GABRB1: variants seen among roughly 807,000 people sequenced by gnomAD.
GABRB1 encodes gamma-aminobutyric acid receptor subunit beta-1.
GABRB1 carries 17 observed loss-of-function variants against 51.6 expected under a neutral mutation model. The ratio of observed to expected loss-of-function variants is 0.33; its 90% confidence interval spans 0.23 to 0.49. The LOEUF is 0.49. GABRB1 is among the 20% of genes least tolerant of loss of function. The probability of loss-of-function intolerance (pLI) is 0.99; values close to 1 mark genes in which losing one functional copy is unlikely to be tolerated. For missense variants in GABRB1, 410 were observed against 600.6 expected (o/e 0.68, Z 3.32); for synonymous variants, 247 against 218.9 (o/e 1.13, Z -1.14).
At chr4:47,110,122 A>G (rs985741149) in intron 3 of GABRB1, among the ~76,000 whole-genome samples, 3 of 152,164 alleles carry the variant, frequency 2.0e-5, no homozygotes, top group African/African-American at 7.2e-5. Flanking sequence ...GCTTGAAGTT[A>G]GCAGTTCTGG....
At chr4:47,049,345 A>T (rs1726242508) in intron 3 of GABRB1, among the ~76,000 whole-genome samples, 1 of 152,174 alleles carries the variant, frequency 6.6e-6, no homozygotes, top group East Asian at 1.9e-4. Flanking sequence ...GTACGTCAAC[A>T]ACAGAAGGGG....
rs570283508 is a variant in GABRB1, at chr4:47,376,274, A to G, written c.545-27044A>G. 4.6e-5 allele frequency among the ~76,000 whole-genome samples: 7 copies of G among 152,342 alleles called. No homozygotes were observed. The South Asian group carries it at 1.0e-3, about 23-fold the overall frequency. ...AGGAGGTGAGCCTTTCTGAGAGAAT[A>G]TGATCAGCAACAACAAACACAAATA... On this transcript the variant is annotated intron_variant, in intron 5 of 8. Transcript: ENST00000295454.
chr4:47,338,536 G>A (rs1048360176), intron 5 of GABRB1, among the ~76,000 whole-genome samples: 2 of 152,158 alleles, frequency 1.3e-5, no homozygotes, highest in African/African-American at 2.4e-5. Context: ...ACAGGCTAGC[G>A]ACTCAATTCC....
chr4:47,134,227 A>C (rs1258637234), intron 3 of GABRB1, among the ~76,000 whole-genome samples: 1 of 152,154 alleles, frequency 6.6e-6, no homozygotes, highest in Non-Finnish European at 1.5e-5. Context: ...CAAAGCTGAA[A>C]ATAAAGGTTA....
intron 5 of GABRB1, among the ~76,000 whole-genome samples, chr4:47,333,360 C>T (rs185919418): frequency 5.9e-5 from 9 of 151,588 alleles, no homozygotes; most frequent in African/African-American, 1.9e-4. Flanking sequence ...CATTCTCTGC[C>T]ATGTAAAAGA....
At chr4:47,297,635 G>C (rs1480711701) in intron 4 of GABRB1, among the ~76,000 whole-genome samples, 1 of 152,040 alleles carries the variant, frequency 6.6e-6, no homozygotes, top group African/African-American at 2.4e-5. Context: ...CAACCAAAAA[G>C]AGTCCAGGAC....
chr4:47,100,267 T>C (rs529227390), intron 3 of GABRB1, among the ~76,000 whole-genome samples: 1 of 152,112 alleles, frequency 6.6e-6, no homozygotes, highest in South Asian at 2.1e-4. Context: ...ATACTGGTTA[T>C]TTGTAAAATT....
At chr4:47,390,906 G>A (rs1489216887) in intron 5 of GABRB1, among the ~76,000 whole-genome samples, 2 of 152,140 alleles carry the variant, frequency 1.3e-5, no homozygotes, top group African/African-American at 2.4e-5. Context: ...GGCCGGGCAC[G>A]GTGGGTCATG....
At chr4:47,102,417 T>A (rs1714762041) in intron 3 of GABRB1, among the ~76,000 whole-genome samples, 1 of 151,948 alleles carries the variant, frequency 6.6e-6, no homozygotes, top group African/African-American at 2.4e-5. Context: ...GTTGTGGAGT[T>A]GAACAAGTAA....
intron 8 of GABRB1, among the ~76,000 whole-genome samples, chr4:47,422,849 A>G (rs1207728665): frequency 6.6e-6 from 1 of 152,164 alleles, no homozygotes; most frequent in Non-Finnish European, 1.5e-5. Flanking sequence ...TGACAATATA[A>G]TCTTTCAGCC....
At chr4:47,304,061 G>C (rs1309163273) in intron 4 of GABRB1, among the ~76,000 whole-genome samples, 1 of 152,040 alleles carries the variant, frequency 6.6e-6, no homozygotes, top group Non-Finnish European at 1.5e-5. Context: ...CCATTCAACT[G>C]TTAATGGACA....
intron 5 of GABRB1, among the ~76,000 whole-genome samples, chr4:47,327,986 T>G (rs1051660863): frequency 1.3e-5 from 2 of 152,214 alleles, no homozygotes; most frequent in African/African-American, 4.8e-5. Context: ...TTTCCTGCCT[T>G]TTTAATGATC....
At chr4:47,411,957 C>T (rs1018442821) in intron 8 of GABRB1, among the ~76,000 whole-genome samples, 1 of 152,050 alleles carries the variant, frequency 6.6e-6, no homozygotes, top group African/African-American at 2.4e-5. Context: ...AAATGATTAG[C>T]GAAATTGAAG....
intron 3 of GABRB1, among the ~76,000 whole-genome samples, chr4:47,143,827 C>A (rs936542999): frequency 6.6e-6 from 1 of 151,776 alleles, no homozygotes; most frequent in African/African-American, 2.4e-5. Flanking sequence ...CTCCTTTAAC[C>A]CACCATGATT....
At chr4:47,165,943 T>C (rs1267430842) in intron 4 of GABRB1, among the ~76,000 whole-genome samples, 1 of 152,136 alleles carries the variant, frequency 6.6e-6, no homozygotes, top group African/African-American at 2.4e-5. Flanking sequence ...AGACTTAATC[T>C]GTTGCTTCAA....
At chr4:47,310,220 C>A (rs1270040035) in intron 4 of GABRB1, among the ~76,000 whole-genome samples, 1 of 152,068 alleles carries the variant, frequency 6.6e-6, no homozygotes, top group Non-Finnish European at 1.5e-5. Flanking sequence ...GGTAATAGTT[C>A]TAAATGAGAA....
At chr4:47,338,960 A>G (rs536995180) in intron 5 of GABRB1, among the ~76,000 whole-genome samples, 21 of 152,284 alleles carry the variant, frequency 1.4e-4, no homozygotes, top group East Asian at 9.7e-4. Context: ...TTCCTAACTA[A>G]TACTTTGGGG....
intron 4 of GABRB1, among the ~76,000 whole-genome samples, chr4:47,289,828 C>T (rs1446693517): frequency 3.9e-5 from 6 of 152,160 alleles, no homozygotes; most frequent in Non-Finnish European, 8.8e-5. Flanking sequence ...ACTTTTATAA[C>T]CATTACATTA....
chr4:47,246,388 AT>A (rs1721761199), intron 4 of GABRB1, among the ~76,000 whole-genome samples: 5 of 62,190 alleles, frequency 8.0e-5, no homozygotes, highest in African/African-American at 2.9e-4. Flanking sequence ...ATATATATAT[AT>A]ATATATAAAA....
Sources: allele counts gnomAD v4.1 joint callset (sites outside exome capture counted in the v4.1 genomes callset), GRCh38; gene constraint gnomAD v4.1.1; transcripts MANE v1.5; gene names NCBI Gene and HGNC (gene_info 2026-07-23, HGNC 2026-07-21).